The following PLCG1 variants were observed in gnomAD, a reference collection of about 807,000 sequenced individuals.
PLCG1 encodes phospholipase C gamma 1.
In PLCG1, 71 loss-of-function variants were observed where a neutral mutation model predicts 177.8. The ratio of observed to expected loss-of-function variants is 0.40; its 90% CI spans 0.33 to 0.49. The LOEUF is 0.49. Ranked by LOEUF, PLCG1 falls within the 20% of genes least tolerant of loss-of-function variation. The probability of loss-of-function intolerance (pLI) is 0.72; values close to 1 mark genes in which losing one functional copy is unlikely to be tolerated. For missense variants in PLCG1, 1,281 were observed against 1,709.0 expected (o/e 0.75, Z 4.42); for synonymous variants, 658 against 647.9 (o/e 1.02, Z -0.24).
Position 41,163,029 on chromosome 20 carries a change from G to GC in PLCG1, c.716+42dup. The GC allele has an allele frequency of 1.9e-6, 3 of 1,606,438 alleles. No individual in the cohort carries two copies. The highest frequency in any genetic ancestry group is 2.6e-6 in the Non-Finnish European group (3 of 1,173,038). ...AGTGGGGAGGTGGGGTTTTCCCTGG[G>GC]CCCCCTTCATCTCTCCACTGGGCGA... On this transcript the variant is annotated intron_variant, in intron 7 of 31. Transcript: ENST00000685551. This position sits in a 1 kb window ranked among gnomAD's most constrained non-coding sequence, Gnocchi z 5.2.
intron 23 of PLCG1, 82 bp from the exon 24 acceptor site, chr20:41,170,030 T>A: frequency 2.3e-6 from 3 of 1,285,964 alleles, no homozygotes; most frequent in Non-Finnish European, 3.3e-6. Context: ...TAGAACTCAT[T>A]TGAGCCAGTG....
At position 41,168,780 on chromosome 20, in the gene PLCG1, C is replaced by T. The variant is rs1475896781; in HGVS notation, c.2393C>T (p.Ala798Val). Residue 798 changes from alanine to valine, a missense_variant, in exon 21 of 32, where the codon GCC (alanine) becomes GTC (valine). Ala to Val is a moderately conservative substitution (Grantham distance 64). Transcript: ENST00000685551. The part of the protein sequence containing the change: ...PMPTFKCAVK[A>V]LFDYKAQRED... ...TCACCTCTGCAGTGTGCAGTCAAAG[C>T]CCTCTTTGACTACAAGGCCCAGAGG... 7.5e-6 allele frequency: 12 copies of T among 1,604,870 alleles called. No individual in the cohort carries two copies. Among genetic ancestry groups the T allele is most frequent in the Non-Finnish European group, 9.4e-6 (11 of 1,172,396 alleles).
chr20:41,174,214 C>CG lies in PLCG1; in HGVS notation c.3739dup (p.Glu1247GlyfsTer5). 2 of 1,614,172 alleles carry CG rather than the reference C, an allele frequency of 1.2e-6. No homozygotes were observed. The highest frequency in any genetic ancestry group is 1.7e-6 in the Non-Finnish European group (2 of 1,180,030). On this transcript the variant is annotated frameshift_variant, in exon 31 of 32. Coordinates refer to ENST00000685551, the MANE Select transcript of PLCG1 (RefSeq NM_002660.3). LOFTEE classifies it high-confidence loss of function. The surrounding 1 kb of genome is among the most constrained non-coding windows in gnomAD (Gnocchi z 5.8). ...AGGCCAGCTGTTTCATGGCCGAGCC[C>CG]GGGAAGGCTCCTTTGAATCCCGCTA...
In PLCG1 at chr20:41,166,793, G is replaced by A; in HGVS notation, c.2235G>A (p.Pro745=). 5 of 1,614,134 alleles carry A rather than the reference G, an allele frequency of 3.1e-6. No individual in the cohort carries two copies. The highest frequency in any genetic ancestry group is 2.2e-5 in the East Asian group (1 of 44,888). The change falls in exon 19 of 32, where the codon CCG becomes CCA. Residue 745 remains proline, a synonymous_variant. Coordinates refer to ENST00000685551, the MANE Select transcript of PLCG1 (RefSeq NM_002660.3). This position sits in a 1 kb window ranked among gnomAD's most constrained non-coding sequence, Gnocchi z 8.6. ...TCATCAGCTACTATGAGAAACACCCGCTATACCGCAAGATGAAGCTGCGCT... is the reference window on the plus strand; with the variant it reads ...TCATCAGCTACTATGAGAAACACCCACTATACCGCAAGATGAAGCTGCGCT... ...VDLISYYEKH[P]LYRKMKLRYP...
chr20:41,149,392 G>A (rs2035095784), intron 1 of PLCG1, among the ~76,000 whole-genome samples: 2 of 152,232 alleles, frequency 1.3e-5, no homozygotes, highest in Non-Finnish European at 2.9e-5. Context: ...GGGCTGGTGA[G>A]AGAAAAGGAG....
chr20:41,163,080 G>A lies in PLCG1; in HGVS notation c.716+88G>A. ...TTCTTGATCCAGGTGGGAGGCAGTGGGAGTAGGGAACCATGCTGGACCATT... is the reference window on the plus strand; with the variant it reads ...TTCTTGATCCAGGTGGGAGGCAGTGAGAGTAGGGAACCATGCTGGACCATT... On this transcript the variant is annotated intron_variant, in intron 7 of 31. Coordinates refer to ENST00000685551, the MANE Select transcript of PLCG1 (RefSeq NM_002660.3). This position sits in a 1 kb window ranked among gnomAD's most constrained non-coding sequence, Gnocchi z 5.2. 1 of 1,522,954 alleles carries A rather than the reference G, an allele frequency of 6.6e-7. No homozygotes were observed. Among genetic ancestry groups the A allele is most frequent in the South Asian group, 1.1e-5 (1 of 89,176 alleles). The allele number at this position is 1,522,954 out of a possible 1,614,324, so 94.3% of individuals were successfully genotyped here.
chr20:41,163,369 C>G lies in PLCG1; in HGVS notation c.790-9C>G. 1 of 1,608,280 alleles carries G rather than the reference C, an allele frequency of 6.2e-7. No individual in the cohort carries two copies. Among genetic ancestry groups the G allele is most frequent in the Non-Finnish European group, 8.5e-7 (1 of 1,174,762 alleles). ...CTTCTCTCATCCCCTGCCCTCCCTA[C>G]CCCATCAGGAGCTGTGGGCTGTTGA... On this transcript the variant is annotated splice_polypyrimidine_tract_variant and intron_variant, in intron 8 of 31. Transcript: ENST00000685551. The surrounding 1 kb of genome is among the most constrained non-coding windows in gnomAD (Gnocchi z 5.2).
In PLCG1 at chr20:41,172,557, G is replaced by C. The variant is rs2146063051; in HGVS notation, c.3042G>C (p.Lys1014Asn). 1 of 1,614,226 alleles carries C rather than the reference G, an allele frequency of 6.2e-7. No homozygotes were observed. Among genetic ancestry groups the C allele is most frequent in the African/African-American group, 1.3e-5 (1 of 75,064 alleles). The change falls in exon 26 of 32, where the codon AAG (lysine) becomes AAC (asparagine). Residue 1014 changes from lysine to asparagine, a missense_variant. Coordinates refer to ENST00000685551, the MANE Select transcript of PLCG1 (RefSeq NM_002660.3). The surrounding 1 kb of genome is among the most constrained non-coding windows in gnomAD (Gnocchi z 7.0). ...NRLQLSRIYPKGQRLDSSNYD... is the reference protein window; with the variant it reads ...NRLQLSRIYPNGQRLDSSNYD... ...TGCAGCTCTCCCGCATCTACCCCAA[G>C]GGCCAGCGACTGGATTCCTCCAACT...
chr20:41,155,637 C>T (rs895654746), intron 1 of PLCG1, among the ~76,000 whole-genome samples: 6 of 152,208 alleles, frequency 3.9e-5, no homozygotes, highest in African/African-American at 7.2e-5. Flanking sequence ...GTATTCTTCT[C>T]TTCATGGATC....
Position 41,173,479 on chromosome 20 carries a change from G to A in PLCG1, c.3339G>A (p.Glu1113=), listed in dbSNP as rs756856884. The stretch of plus-strand genomic sequence containing the variant: ...GAGGCATTGTGTGTCCTTTTGTGGA[G>A]ATTGAGGTGGCTGGAGCTGAGTATG... ...NGRGIVCPFV[E]IEVAGAEYDS... is the part of the protein sequence containing the mutation. Residue 1113 remains glutamate (E), a synonymous_variant, in exon 28 of 32, where the codon GAG becomes GAA. Transcript: ENST00000685551. This position sits in a 1 kb window ranked among gnomAD's most constrained non-coding sequence, Gnocchi z 6.2. 6.2e-7 allele frequency: 1 copy of A among 1,613,668 alleles called. No homozygotes were observed.
At position 41,163,960 on chromosome 20, in the gene PLCG1, G is replaced by A. The variant is rs138771430; in HGVS notation, c.1050G>A (p.Leu350=). 4.6e-4 allele frequency: 744 copies of A among 1,614,054 alleles called. 1 individual carries two copies. Among genetic ancestry groups the A allele is most frequent in the Non-Finnish European group, 6.2e-4 (726 of 1,180,034 alleles). ...TGDQFSSESS[L]EAYARCLRMG... ...ACCAGTTCTCCAGTGAGTCCTCCTT[G>A]GAAGCCTATGCTCGCTGCCTGCGGA... Residue 350 remains leucine, a synonymous_variant, in exon 11 of 32, where the codon TTG becomes TTA. Coordinates refer to ENST00000685551, the MANE Select transcript of PLCG1 (RefSeq NM_002660.3). This position sits in a 1 kb window ranked among gnomAD's most constrained non-coding sequence, Gnocchi z 5.2.
rs2035945087 is a variant in PLCG1 at position 41,172,815 on chromosome 20, G to A, written c.3217G>A (p.Ala1073Thr). The change falls in exon 27 of 32, where the codon GCC becomes ACC. Residue 1073 changes from alanine to threonine, a missense_variant. Physicochemically the swap from Ala to Thr is moderately conservative, Grantham distance 58. This residue lies in a region of PLCG1 where 723 missense variants were observed against 1,030.0 expected (regional missense o/e 0.70). Coordinates refer to ENST00000685551, the MANE Select transcript of PLCG1 (RefSeq NM_002660.3). This position sits in a 1 kb window ranked among gnomAD's most constrained non-coding sequence, Gnocchi z 7.0. ...GCAGCCAAGCACCATGCGGGATGAG[G>A]CCTTCGACCCCTTTGACAAGAGCAG... ...VLQPSTMRDE[A>T]FDPFDKSSLR... is the part of the protein sequence containing the mutation. 1 of 1,614,052 alleles carries A rather than the reference G, an allele frequency of 6.2e-7. No homozygotes were observed. Among genetic ancestry groups the A allele is most frequent in the Non-Finnish European group, 8.5e-7 (1 of 1,180,034 alleles).
chr20:41,141,066 T>G (rs1358862410), intron 1 of PLCG1, among the ~76,000 whole-genome samples: 3 of 152,256 alleles, frequency 2.0e-5, no homozygotes, highest in Non-Finnish European at 2.9e-5. Flanking sequence ...TCAGCCTCTC[T>G]AGGCTCTGGC....
intron 1 of PLCG1, among the ~76,000 whole-genome samples, chr20:41,143,204 C>A (rs1196776646): frequency 6.6e-6 from 1 of 152,156 alleles, no homozygotes; most frequent in Non-Finnish European, 1.5e-5. Flanking sequence ...TGCTCTAATG[C>A]CACAGCCTCG....
chr20:41,152,947 T>G (rs2035210918), intron 1 of PLCG1, among the ~76,000 whole-genome samples: 1 of 152,180 alleles, frequency 6.6e-6, no homozygotes, highest in Non-Finnish European at 1.5e-5. Context: ...GTCTGTGTTG[T>G]GTTAATTGGA....
chr20:41,139,898 C>T (rs1052649721), intron 1 of PLCG1, among the ~76,000 whole-genome samples: 1 of 152,190 alleles, frequency 6.6e-6, no homozygotes, highest in Non-Finnish European at 1.5e-5. Context: ...TGTGCCCACT[C>T]ACCCACCCAC....
At chr20:41,171,655 G>A (rs185215468) in intron 24 of PLCG1, among the ~76,000 whole-genome samples, 126 of 150,024 alleles carry the variant, frequency 8.4e-4, no homozygotes, top group Non-Finnish European at 3.9e-4. Context: ...TGGGGTGCTT[G>A]TAAGTGGGCT....
Position 41,163,656 on chromosome 20 carries a change from T to C in PLCG1, c.892-59T>C, listed in dbSNP as rs138679385. On this transcript the variant is annotated intron_variant, in intron 9 of 31. Transcript: ENST00000685551. This position sits in a 1 kb window ranked among gnomAD's most constrained non-coding sequence, Gnocchi z 5.2. ...TCTCTCTCCTACCCCCAACCTACCATCTTGGGTTGGACAGGGCAGGGACTC... is the reference window on the plus strand; with the variant it reads ...TCTCTCTCCTACCCCCAACCTACCACCTTGGGTTGGACAGGGCAGGGACTC... 948 of 1,250,788 alleles carry C rather than the reference T, an allele frequency of 7.6e-4. 9 individuals carry two copies. The African/African-American group carries it at 0.012, about 16-fold the overall frequency. The allele number at this position is 1,250,788 out of a possible 1,614,324, so 77.5% of individuals were successfully genotyped here. A position where few individuals can be genotyped will look rare whatever the true frequency, so the allele number is the denominator to read the frequency against.
rs565827265 is a variant in PLCG1 at position 41,157,344 on chromosome 20, T to G, written c.218-2262T>G. 2.1e-4 allele frequency among the ~76,000 whole-genome samples: 32 copies of G among 152,076 alleles called. No homozygotes were observed. The South Asian group carries it at 3.7e-3, about 18-fold the overall frequency. ...TGTTTCAAAAGGCAGAGTTTGTGGT[T>G]GTTCTGCAGTTTCTGATCTAGCCAT... On this transcript the variant is annotated intron_variant, in intron 1 of 31. Coordinates refer to ENST00000685551, the MANE Select transcript of PLCG1 (RefSeq NM_002660.3). The surrounding 1 kb of genome is among the most constrained non-coding windows in gnomAD (Gnocchi z 5.4).
Sources: gnomAD v4.1 joint callset for allele counts (sites outside exome capture counted in the v4.1 genomes callset) on GRCh38, gnomAD v4.1.1 for gene constraint, gnomAD v4.1.1 regional missense constraint, Gnocchi (gnomAD v3.1) non-coding constraint, MANE v1.5 for transcripts, NCBI Gene and HGNC (gene_info 2026-07-23, HGNC 2026-07-21) for gene names.